Variants in EVA1C observed in about 807,000 individuals in gnomAD.
EVA1C encodes eva-1 homolog C.
A neutral mutation model predicts 45.4 loss-of-function variants in EVA1C; 25 were observed. The observed-to-expected ratio is 0.55, with a 90% CI of 0.40 to 0.77. EVA1C has a LOEUF of 0.77. Among genes scored for constraint, EVA1C ranks in the 30% least tolerant of loss-of-function variants. The pLI is 0.00. For missense variants in EVA1C, 479 were observed against 554.8 expected (o/e 0.86, Z 1.37); for synonymous variants, 190 against 221.2 (o/e 0.86, Z 1.25).
intron 1 of EVA1C, among the ~76,000 whole-genome samples, chr21:32,423,388 A>G (rs112745532): frequency 6.6e-6 from 1 of 152,136 alleles, no homozygotes; most frequent in African/African-American, 2.4e-5. Context: ...AAAGCCTCTC[A>G]GGTACCAGAT....
intron 1 of EVA1C, among the ~76,000 whole-genome samples, chr21:32,427,961 T>G (rs971803216): frequency 6.6e-6 from 1 of 152,168 alleles, no homozygotes; most frequent in Non-Finnish European, 1.5e-5. Context: ...ACAGTGACTT[T>G]TCTCATTACA....
intron 3 of EVA1C, among the ~76,000 whole-genome samples, chr21:32,462,121 C>T (rs1157665461): frequency 1.6e-4 from 24 of 151,378 alleles, no homozygotes. Context: ...AGGATATAGT[C>T]ATGCCTGTCA....
chr21:32,437,321 C>T (rs1318717683), intron 1 of EVA1C, among the ~76,000 whole-genome samples: 51 of 152,154 alleles, frequency 3.4e-4, no homozygotes, highest in Non-Finnish European at 6.6e-4. Flanking sequence ...CAATTTCCAT[C>T]CCTCTCACAC....
At chr21:32,461,309 C>T (rs756936619) in intron 3 of EVA1C, among the ~76,000 whole-genome samples, 5 of 152,210 alleles carry the variant, frequency 3.3e-5, no homozygotes, top group Non-Finnish European at 5.9e-5. Flanking sequence ...ATCTATAGGG[C>T]AGCATTTAAG....
At chr21:32,502,919 C>T (rs538729841) in intron 6 of EVA1C, among the ~76,000 whole-genome samples, 3 of 152,256 alleles carry the variant, frequency 2.0e-5, no homozygotes, top group East Asian at 1.9e-4. Context: ...CGTAAGACAC[C>T]GCACCCAGCT....
At chr21:32,476,469 A>G (rs377127866) in intron 4 of EVA1C, among the ~76,000 whole-genome samples, 2 of 151,996 alleles carry the variant, frequency 1.3e-5, no homozygotes, top group East Asian at 3.9e-4. Flanking sequence ...TGGTGAAACC[A>G]TGTCTCTACT....
chr21:32,444,064 A>ACG (rs1316199246), intron 1 of EVA1C, among the ~76,000 whole-genome samples: 4 of 136,818 alleles, frequency 2.9e-5, no homozygotes, highest in Non-Finnish European at 6.5e-5. Context: ...ACACACACAC[A>ACG]CACACACACA....
intron 3 of EVA1C, 59 bp from the exon 4 acceptor site, chr21:32,467,637 G>A (rs2036220730): frequency 1.3e-6 from 2 of 1,534,252 alleles, no homozygotes; most frequent in Non-Finnish European, 1.8e-6. Context: ...CTTGGACAGA[G>A]CTCACCAATT....
chr21:32,492,658 G>A (rs1395106782), intron 4 of EVA1C, among the ~76,000 whole-genome samples: 1 of 151,498 alleles, frequency 6.6e-6, no homozygotes, highest in South Asian at 2.1e-4. Context: ...CCAGATTTGA[G>A]CCTTTTCTTC....
intron 5 of EVA1C, chr21:32,496,979 A>G (rs2037373355): frequency 1.4e-6 from 2 of 1,425,276 alleles, no homozygotes; most frequent in Non-Finnish European, 2.0e-6. Flanking sequence ...GATCTCATCT[A>G]TGGCCAATTT....
In EVA1C at chr21:32,452,299, T is replaced by G. The variant is rs529838936; in HGVS notation, c.161-1013T>G. 11 of 152,400 alleles carry G rather than the reference T, an allele frequency of 7.2e-5. No individual in the cohort carries two copies. Among genetic ancestry groups the G allele is most frequent in the Admixed American group, 3.9e-4 (6 of 15,306 alleles). The allele number at this position is 152,400 out of a possible 1,614,324, so 9.4% of individuals were successfully genotyped here. Reference sequence around the variant, plus strand: ...TCAGTGGGCCATCCCAGACCGAGGTTTCTGACCCAGACATTGAAACAGGAG... The same window carrying G: ...TCAGTGGGCCATCCCAGACCGAGGTGTCTGACCCAGACATTGAAACAGGAG... On this transcript the variant is annotated intron_variant, in intron 1 of 7. Transcript: ENST00000300255. This position sits in a 1 kb window ranked among gnomAD's most constrained non-coding sequence, Gnocchi z 4.0.
intron 2 of EVA1C, among the ~76,000 whole-genome samples, chr21:32,454,279 TG>T (rs1241396473): frequency 6.6e-6 from 1 of 152,210 alleles, no homozygotes; most frequent in African/African-American, 2.4e-5. Context: ...TATCAGTAAC[TG>T]CCTTGTGCTT....
At chr21:32,427,892 A>T (rs2146142486) in intron 1 of EVA1C, among the ~76,000 whole-genome samples, 1 of 150,238 alleles carries the variant, frequency 6.7e-6, no homozygotes, top group Non-Finnish European at 1.5e-5. Flanking sequence ...GGCAGGAAAA[A>T]CTTGTTTTTG....
At chr21:32,478,938 G>A (rs138375445) in intron 4 of EVA1C, among the ~76,000 whole-genome samples, 21 of 152,382 alleles carry the variant, frequency 1.4e-4, no homozygotes, top group Admixed American at 1.2e-3. Context: ...GCCAAAGATC[G>A]AGGTGCCAGA....
chr21:32,438,235 A>C (rs1171533003), intron 1 of EVA1C, among the ~76,000 whole-genome samples: 2 of 152,026 alleles, frequency 1.3e-5, no homozygotes, highest in Non-Finnish European at 2.9e-5. Flanking sequence ...GGTGGCTTAC[A>C]CCTGTAATCC....
chr21:32,477,925 CCTCCCCCATACGCTCTCA>C (rs2036641069), intron 4 of EVA1C, among the ~76,000 whole-genome samples: 1 of 75,258 alleles, frequency 1.3e-5, no homozygotes, highest in Non-Finnish European at 2.6e-5. Flanking sequence ...TACGCTCTCA[CCTCCCCCATACGCTCTCA>C]CTCACCCTCA....
intron 1 of EVA1C, among the ~76,000 whole-genome samples, chr21:32,421,034 CA>C (rs2034248609): frequency 6.6e-6 from 1 of 152,208 alleles, no homozygotes; most frequent in Admixed American, 6.5e-5. Flanking sequence ...CATCTAGCCT[CA>C]AAGAACTGAT....
intron 4 of EVA1C, among the ~76,000 whole-genome samples, chr21:32,486,419 C>T (rs1213648600): frequency 6.6e-6 from 1 of 152,182 alleles, no homozygotes; most frequent in South Asian, 2.1e-4. Flanking sequence ...GCCACCGCAC[C>T]CGGCCCTTAC....
intron 4 of EVA1C, among the ~76,000 whole-genome samples, chr21:32,489,825 A>G (rs1383807838): frequency 6.6e-6 from 1 of 151,962 alleles, no homozygotes; most frequent in African/African-American, 2.4e-5. Flanking sequence ...CTCTTTGGTT[A>G]AATTTATTCC....
Sources: allele counts gnomAD v4.1 joint callset (sites outside exome capture counted in the v4.1 genomes callset), GRCh38; gene constraint gnomAD v4.1.1; non-coding constraint Gnocchi (gnomAD v3.1); transcripts MANE v1.5; gene names NCBI Gene and HGNC (gene_info 2026-07-23, HGNC 2026-07-21).